Variants in FNDC1 observed in about 807,000 individuals in gnomAD.
FNDC1 encodes fibronectin type III domain-containing protein 1.
In FNDC1, 96 loss-of-function variants were observed where a neutral mutation model predicts 168.0. The ratio of observed to expected loss-of-function variants is 0.57; its 90% CI spans 0.48 to 0.68. FNDC1 has a LOEUF of 0.68. Ranked by LOEUF, FNDC1 falls within the 30% of genes least tolerant of loss-of-function variation. The pLI is 0.00. For missense variants in FNDC1, 2,587 were observed against 2,482.1 expected (o/e 1.04, Z -0.90); for synonymous variants, 1,099 against 1,025.9 (o/e 1.07, Z -1.36).
chr6:159,248,589 C>A (rs1777187055), intron 15 of FNDC1, among the ~76,000 whole-genome samples: 1 of 152,064 alleles, frequency 6.6e-6, no homozygotes, highest in African/African-American at 2.4e-5. Context: ...CAGGTGTGAG[C>A]CACCACACCT....
chr6:159,252,942 T>G (rs1777299752), intron 17 of FNDC1, among the ~76,000 whole-genome samples: 1 of 152,340 alleles, frequency 6.6e-6, no homozygotes, highest in Admixed American at 6.5e-5. Context: ...CAAGGGTTCT[T>G]GCAGTGAAGA....
At position 159,190,052 on chromosome 6, in the gene FNDC1, T is replaced by C. The variant is rs570860642; in HGVS notation, c.110-7379T>C. On this transcript the variant is annotated intron_variant, in intron 1 of 22. Coordinates refer to ENST00000297267, the MANE Select transcript of FNDC1 (RefSeq NM_032532.3). Reference sequence around the variant, plus strand: ...ATGTCAAAGCCTTCTGGGGTCCTGATAGGGGCGGTATTCCCATCTTTAATC... The same window carrying C: ...ATGTCAAAGCCTTCTGGGGTCCTGACAGGGGCGGTATTCCCATCTTTAATC... Among the ~76,000 whole-genome samples the C allele has an allele frequency of 5.3e-5, 8 of 152,316 alleles. No individual in the cohort carries two copies. In the South Asian group the frequency reaches 1.7e-3, roughly 32 times the overall value.
At chr6:159,186,325 A>G (rs1781998386) in intron 1 of FNDC1, among the ~76,000 whole-genome samples, 1 of 152,222 alleles carries the variant, frequency 6.6e-6, no homozygotes, top group Non-Finnish European at 1.5e-5. Context: ...ATGCAAATAA[A>G]CAAACAACCT....
At chr6:159,240,406 G>A (rs1241651859) in intron 14 of FNDC1, among the ~76,000 whole-genome samples, 1 of 152,178 alleles carries the variant, frequency 6.6e-6, no homozygotes, top group African/African-American at 2.4e-5. Context: ...TTTAAACAAG[G>A]TTGGATAAGT....
At chr6:159,171,742 A>G (rs930233217) in intron 1 of FNDC1, among the ~76,000 whole-genome samples, 1 of 152,230 alleles carries the variant, frequency 6.6e-6, no homozygotes, top group Non-Finnish European at 1.5e-5. Flanking sequence ...TGGCCTTGCC[A>G]GTCTGGTATG....
chr6:159,185,075 G>GT (rs971816532), intron 1 of FNDC1, among the ~76,000 whole-genome samples: 7 of 95,842 alleles, frequency 7.3e-5, no homozygotes, highest in East Asian at 8.2e-4. Flanking sequence ...GGTGGGGGGG[G>GT]GGGAATCTTG....
chr6:159,238,247 G>A (rs1375400032), intron 12 of FNDC1, among the ~76,000 whole-genome samples: 5 of 151,962 alleles, frequency 3.3e-5, no homozygotes, highest in East Asian at 1.9e-4. Context: ...ACAAGCGCCC[G>A]CCACCGCGCC....
intron 14 of FNDC1, among the ~76,000 whole-genome samples, chr6:159,241,941 T>C (rs181497269): frequency 1.1e-3 from 175 of 152,354 alleles, no homozygotes; most frequent in Non-Finnish European, 2.0e-3. Context: ...ATTCTTCTTT[T>C]TTCTTTCTTT....
intron 1 of FNDC1, among the ~76,000 whole-genome samples, chr6:159,175,284 C>G (rs1175869518): frequency 6.6e-6 from 1 of 152,216 alleles, no homozygotes; most frequent in African/African-American, 2.4e-5. Flanking sequence ...TCACAGTGAC[C>G]TTACGAAGTC....
At chr6:159,250,392 A>T (rs1400909442) in intron 16 of FNDC1, among the ~76,000 whole-genome samples, 1 of 152,268 alleles carries the variant, frequency 6.6e-6, no homozygotes, top group Non-Finnish European at 1.5e-5. Flanking sequence ...AACTGCATTC[A>T]GTCCAAATAG....
chr6:159,208,205 T>G (rs1782528106), intron 4 of FNDC1, among the ~76,000 whole-genome samples: 1 of 152,188 alleles, frequency 6.6e-6, no homozygotes, highest in African/African-American at 2.4e-5. Flanking sequence ...GTGAGTGAGC[T>G]GGGCTCAGGG....
chr6:159,225,653 G>A lies in FNDC1; in HGVS notation c.1003G>A (p.Val335Ile). Residue 335 changes from valine to isoleucine, a missense_variant, in exon 8 of 23, where the codon GTC becomes ATC. Physicochemically the swap from Val to Ile is conservative, Grantham distance 29 (BLOSUM62 3). Transcript: ENST00000297267. ...LIPDTVYEFA[V>I]RISQGERDGK... ...TCCAGACACTGTGTATGAATTTGCA[G>A]TCCGTATTTCACAGGGTGAAAGAGA... 1 of 1,613,936 alleles carries A rather than the reference G, an allele frequency of 6.2e-7. No homozygotes were observed. Among genetic ancestry groups the A allele is most frequent in the South Asian group, 1.1e-5 (1 of 91,066 alleles).
chr6:159,238,630 G>A lies in FNDC1; in HGVS notation c.4145G>A (p.Arg1382Gln), dbSNP rs200758408. The change falls in exon 13 of 23, where the codon CGG becomes CAG. Residue 1382 changes from arginine (R) to glutamine (Q), a missense_variant. Transcript: ENST00000297267. ...CAAGATTCACATGGAAATCCTCTTC[G>A]GATTAAACTAGGAGGAGATGGTCGA... ...YLQDSHGNPL[R>Q]IKLGGDGRTI... 1,551 of 1,609,284 alleles carry A rather than the reference G, an allele frequency of 9.6e-4. 3 individuals carry two copies. Among genetic ancestry groups the A allele is most frequent in the South Asian group, 2.1e-3 (189 of 89,476 alleles).
chr6:159,267,214 GTCTC>G (rs35049380), intron 21 of FNDC1, among the ~76,000 whole-genome samples: 1 of 150,188 alleles, frequency 6.7e-6, no homozygotes, highest in African/African-American at 2.4e-5. Context: ...AGTACGGTCT[GTCTC>G]TCTCTCTCTC....
At chr6:159,213,704 A>AC (rs11449643) in intron 4 of FNDC1, among the ~76,000 whole-genome samples, 22,699 of 148,034 alleles carry the variant, frequency 0.15, 1,958 homozygotes, top group East Asian at 0.37. Flanking sequence ...CTAAAAACAA[A>AC]AAAAAAAAAA....
chr6:159,246,717 G>A (rs1777143481), intron 14 of FNDC1, among the ~76,000 whole-genome samples, 184 bp from the exon 15 acceptor site: 1 of 152,180 alleles, frequency 6.6e-6, no homozygotes, highest in African/African-American at 2.4e-5. Flanking sequence ...AGGAGAGAAA[G>A]TCTGGGTTCC....
At chr6:159,223,252 T>C (rs1297873111) in intron 6 of FNDC1, among the ~76,000 whole-genome samples, 1 of 152,200 alleles carries the variant, frequency 6.6e-6, no homozygotes, top group African/African-American at 2.4e-5. Context: ...CGCCTCGGCC[T>C]CCCAAAGTGC....
At chr6:159,249,660 A>G (rs774736914) in intron 16 of FNDC1, among the ~76,000 whole-genome samples, 4 of 152,246 alleles carry the variant, frequency 2.6e-5, no homozygotes, top group African/African-American at 9.6e-5. Flanking sequence ...ATTAGCTTCA[A>G]GGATTTGGGA....
chr6:159,200,648 C>A, intron 4 of FNDC1, 67 bp downstream of exon 4: 2 of 1,276,884 alleles, frequency 1.6e-6, no homozygotes, highest in Non-Finnish European at 2.2e-6. Flanking sequence ...GAGAGTTGTG[C>A]TTCCGTCACA....
Sources: gnomAD v4.1 joint callset for allele counts (sites outside exome capture counted in the v4.1 genomes callset) on GRCh38, gnomAD v4.1.1 for gene constraint, MANE v1.5 for transcripts, NCBI Gene and HGNC (gene_info 2026-07-23, HGNC 2026-07-21) for gene names.